HS3ST5: variants seen among roughly 807,000 people sequenced by gnomAD.
HS3ST5 encodes heparan sulfate glucosamine 3-O-sulfotransferase 5.
A neutral mutation model predicts 25.4 loss-of-function variants in HS3ST5; 10 were observed. That is an observed-to-expected ratio of 0.39 (90% CI 0.24 to 0.67). HS3ST5 has a LOEUF of 0.67. HS3ST5 is among the 30% of genes least tolerant of loss of function. HS3ST5 has a pLI of 0.44. For missense variants in HS3ST5, 324 were observed against 420.7 expected (o/e 0.77, Z 2.01); for synonymous variants, 170 against 162.4 (o/e 1.05, Z -0.36).
At chr6:114,147,980 G>T (rs1270210030) in intron 3 of HS3ST5, among the ~76,000 whole-genome samples, 1 of 152,092 alleles carries the variant, frequency 6.6e-6, no homozygotes, top group African/African-American at 2.4e-5. Context: ...TATAATTTCA[G>T]AATGATTTGA....
chr6:114,199,711 T>C (rs1401385515), intron 2 of HS3ST5, among the ~76,000 whole-genome samples: 1 of 152,210 alleles, frequency 6.6e-6, no homozygotes, highest in African/African-American at 2.4e-5. Context: ...ATACTTCTTT[T>C]TAAAAAATGT....
chr6:114,205,375 A>G (rs1475720725), intron 2 of HS3ST5, among the ~76,000 whole-genome samples: 1 of 152,146 alleles, frequency 6.6e-6, no homozygotes, highest in African/African-American at 2.4e-5. Flanking sequence ...AACTCAGGAG[A>G]CACCAAATGG....
rs546170701 is a variant in HS3ST5 at position 114,249,590 on chromosome 6, A to G, written c.-338-20812T>C. 6.6e-4 allele frequency among the ~76,000 whole-genome samples: 101 copies of G among 152,292 alleles called. 1 individual carries two copies. The highest frequency in any genetic ancestry group is 2.4e-3 in the African/African-American group (101 of 41,564). On this transcript the variant is annotated intron_variant, in intron 1 of 4. Coordinates refer to ENST00000312719, the MANE Select transcript of HS3ST5 (RefSeq NM_153612.4). The stretch of plus-strand genomic sequence containing the variant: ...CAGACAAGAGTGTTGCCCTTGGCTG[A>G]AGGAAACTGCCTTGCTCAGGGTACG...
chr6:114,197,164 T>G (rs570909463), intron 2 of HS3ST5, among the ~76,000 whole-genome samples: 3 of 151,814 alleles, frequency 2.0e-5, no homozygotes, highest in Admixed American at 2.0e-4. Context: ...GAGTACTTTA[T>G]TTTTTGAATA....
chr6:114,252,703 T>G (rs1038876850), intron 1 of HS3ST5, among the ~76,000 whole-genome samples: 3 of 152,150 alleles, frequency 2.0e-5, no homozygotes, highest in African/African-American at 7.2e-5. Context: ...ATCTGAGGCT[T>G]ATGTCAAAGC....
At chr6:114,124,686 C>T (rs1776953968) in intron 3 of HS3ST5, among the ~76,000 whole-genome samples, 3 of 148,822 alleles carry the variant, frequency 2.0e-5, no homozygotes, top group Admixed American at 2.0e-4. Context: ...CCTTGATAAC[C>T]AGAGGAAAAA....
chr6:114,120,365 A>C (rs1422208134), intron 3 of HS3ST5, among the ~76,000 whole-genome samples: 2 of 152,220 alleles, frequency 1.3e-5, no homozygotes, highest in African/African-American at 4.8e-5. Context: ...CTACATTTAT[A>C]CAGTAATTGT....
chr6:114,121,892 A>G (rs1302432868), intron 3 of HS3ST5, among the ~76,000 whole-genome samples: 1 of 152,232 alleles, frequency 6.6e-6, no homozygotes, highest in Non-Finnish European at 1.5e-5. Flanking sequence ...TTTGGGTGAT[A>G]AGGAGTTAAT....
intron 3 of HS3ST5, among the ~76,000 whole-genome samples, chr6:114,150,722 G>C (rs1778407379): frequency 6.6e-6 from 1 of 152,190 alleles, no homozygotes; most frequent in South Asian, 2.1e-4. Flanking sequence ...TAATGCCTGA[G>C]TGTAGGAGAT....
chr6:114,107,639 G>C (rs1776059718), intron 3 of HS3ST5, among the ~76,000 whole-genome samples: 1 of 152,182 alleles, frequency 6.6e-6, no homozygotes, highest in African/African-American at 2.4e-5. Context: ...TTATAAAAAT[G>C]CTACTAGAAT....
chr6:114,104,233 A>C (rs558481897), intron 3 of HS3ST5, among the ~76,000 whole-genome samples: 1 of 152,220 alleles, frequency 6.6e-6, no homozygotes, highest in Admixed American at 6.5e-5. Flanking sequence ...ATGACTAGAG[A>C]ACTGTGTAAA....
At chr6:114,106,344 A>G (rs951994292) in intron 3 of HS3ST5, among the ~76,000 whole-genome samples, 4 of 152,150 alleles carry the variant, frequency 2.6e-5, no homozygotes, top group African/African-American at 9.6e-5. Context: ...AAGAAATACT[A>G]TTAACAAAAG....
At chr6:114,091,642 C>T (rs551641036) in intron 3 of HS3ST5, among the ~76,000 whole-genome samples, 106 of 152,108 alleles carry the variant, frequency 7.0e-4, no homozygotes, top group Non-Finnish European at 1.2e-3. Context: ...CGAGATTGCG[C>T]CACTGCACCC....
intron 2 of HS3ST5, 122 bp from the exon 3 acceptor site, chr6:114,168,584 T>C (rs1277687261): frequency 6.6e-6 from 1 of 152,220 alleles, no homozygotes; most frequent in African/African-American, 2.4e-5. Flanking sequence ...TTGTGGATGA[T>C]AAGAACATTT....
chr6:114,141,855 AGTTT>A (rs1554212588), intron 3 of HS3ST5, among the ~76,000 whole-genome samples: 1 of 106,518 alleles, frequency 9.4e-6, no homozygotes, highest in African/African-American at 3.7e-5. Context: ...CTAAGATGAT[AGTTT>A]GTGTGTGTGT....
At chr6:114,136,364 G>C (rs574522655) in intron 3 of HS3ST5, among the ~76,000 whole-genome samples, 17 of 152,276 alleles carry the variant, frequency 1.1e-4, no homozygotes, top group Admixed American at 5.9e-4. Flanking sequence ...CACTCTGTTG[G>C]CTGCTGCCAT....
intron 1 of HS3ST5, among the ~76,000 whole-genome samples, chr6:114,334,912 T>C (rs1484544260): frequency 2.6e-5 from 4 of 152,218 alleles, no homozygotes; most frequent in African/African-American, 7.2e-5. Flanking sequence ...CTAGTGGCCA[T>C]TGCATATACA....
At chr6:114,309,078 C>A (rs1775423606) in intron 1 of HS3ST5, among the ~76,000 whole-genome samples, 1 of 152,102 alleles carries the variant, frequency 6.6e-6, no homozygotes, top group South Asian at 2.1e-4. Flanking sequence ...CAGAGTCACA[C>A]TTACAGAGAT....
chr6:114,246,618 G>T (rs931474785), intron 1 of HS3ST5, among the ~76,000 whole-genome samples: 2 of 152,176 alleles, frequency 1.3e-5, no homozygotes, highest in African/African-American at 4.8e-5. Context: ...ATACAGCAGT[G>T]TTCCTATTAA....
Sources: allele counts gnomAD v4.1 joint callset (sites outside exome capture counted in the v4.1 genomes callset), GRCh38; gene constraint gnomAD v4.1.1; transcripts MANE v1.5; gene names NCBI Gene and HGNC (gene_info 2026-07-23, HGNC 2026-07-21).